NUP43: variants seen among roughly 807,000 people sequenced by gnomAD.
The protein encoded by NUP43 is nucleoporin Nup43.
A neutral mutation model predicts 47.3 loss-of-function variants in NUP43; 32 were observed. That is an observed-to-expected ratio of 0.68 (90% CI 0.51 to 0.91). The LOEUF (loss-of-function observed/expected upper bound fraction) is 0.91, where lower values mean the gene tolerates loss of function less well. Among genes scored for constraint, NUP43 ranks in the 40% least tolerant of loss-of-function variants. The pLI, the probability that NUP43 is intolerant of heterozygous loss-of-function variation, is 0.00. For missense variants in NUP43, 444 were observed against 453.9 expected (o/e 0.98, Z 0.20); for synonymous variants, 147 against 158.4 (o/e 0.93, Z 0.54).
intron 5 of NUP43, among the ~76,000 whole-genome samples, chr6:149,737,715 G>C (rs1205897605): frequency 6.6e-6 from 1 of 152,206 alleles, no homozygotes; most frequent in East Asian, 1.9e-4. Context: ...CTGCCTCCCA[G>C]GTTCAAGTGA....
chr6:149,742,561 C>T lies in NUP43; in HGVS notation c.331G>A (p.Val111Ile). Reference sequence around the variant, plus strand: ...TGAGCTGTAGTCCACTGCTGGTTGACTGACAGAGTCTAGGCATCAGAAATG... The same window carrying T: ...TGAGCTGTAGTCCACTGCTGGTTGATTGACAGAGTCTAGGCATCAGAAATG... ...LHHPNNQTLS[V>I]NQQWTTAHYH... The change falls in exon 4 of 8, where the codon GTC becomes ATC. Residue 111 changes from valine to isoleucine, a missense_variant. By Grantham distance (29) the Val-to-Ile change is conservative. Coordinates refer to ENST00000340413, the MANE Select transcript of NUP43 (RefSeq NM_198887.3). 6.2e-7 allele frequency: 1 copy of T among 1,613,714 alleles called. No homozygotes were observed. The highest frequency in any genetic ancestry group is 8.5e-7 in the Non-Finnish European group (1 of 1,179,654).
upstream of NUP43, among the ~76,000 whole-genome samples, chr6:149,748,208 C>T (rs535898179): frequency 6.6e-6 from 1 of 152,042 alleles, no homozygotes; most frequent in African/African-American, 2.4e-5. Context: ...TCCAGCTACT[C>T]GGGAGGCTGC....
chr6:149,730,946 A>AG (rs1785006148), intron 7 of NUP43, among the ~76,000 whole-genome samples: 1 of 151,884 alleles, frequency 6.6e-6, no homozygotes, highest in Admixed American at 6.6e-5. Flanking sequence ...TCAAACAAAA[A>AG]AAAAACAAAA....
At chr6:149,737,182 G>A (rs1049438460) in intron 5 of NUP43, among the ~76,000 whole-genome samples, 4 of 152,082 alleles carry the variant, frequency 2.6e-5, no homozygotes, top group Admixed American at 1.3e-4. Flanking sequence ...TACTTGGGAG[G>A]CTGAGGCATG....
At chr6:149,730,717 G>C (rs912863313) in intron 7 of NUP43, among the ~76,000 whole-genome samples, 2 of 152,070 alleles carry the variant, frequency 1.3e-5, no homozygotes, top group Admixed American at 1.3e-4. Flanking sequence ...GATTGCTTGA[G>C]CTCAGGAGTT....
upstream of NUP43, chr6:149,746,817 A>G: frequency 1.3e-6 from 1 of 765,620 alleles, no homozygotes; most frequent in African/African-American, 1.8e-5. Flanking sequence ...CAGAACAAAA[A>G]CAATGCAGTA....
intron 3 of NUP43, among the ~76,000 whole-genome samples, chr6:149,743,103 G>C (rs965618974): frequency 6.6e-6 from 1 of 151,450 alleles, no homozygotes; most frequent in East Asian, 1.9e-4. Context: ...TTGAACCAGA[G>C]AGATGCAGGT....
In NUP43 at chr6:149,724,817, G is replaced by C. The variant is rs1784736778; in HGVS notation, c.*2152C>G. 6.6e-6 allele frequency: 1 copy of C among 151,930 alleles called. No individual in the cohort carries two copies. Among genetic ancestry groups the C allele is most frequent in the Admixed American group, 6.6e-5 (1 of 15,222 alleles). 9.4% of individuals were successfully genotyped at this position (151,930 alleles called of 1,614,324 possible). A position where few individuals can be genotyped will look rare whatever the true frequency, so the allele number is the denominator to read the frequency against. ...TTGGCCAGGCTGATCTCGAACTCTT[G>C]ACCTCAGGTGCTTCACCCACCTCGG... On this transcript the variant is annotated 3_prime_UTR_variant, in exon 8 of 8. Coordinates refer to ENST00000340413, the MANE Select transcript of NUP43 (RefSeq NM_198887.3).
chr6:149,740,986 A>G (rs1785623071), intron 4 of NUP43, among the ~76,000 whole-genome samples: 1 of 152,002 alleles, frequency 6.6e-6, no homozygotes, highest in Non-Finnish European at 1.5e-5. Flanking sequence ...TTTTAGTATT[A>G]CTTATGGTCT....
chr6:149,735,324 TG>T (rs1785266598), intron 6 of NUP43, among the ~76,000 whole-genome samples: 1 of 152,160 alleles, frequency 6.6e-6, no homozygotes, highest in Admixed American at 6.6e-5. Context: ...AGGAGGAGCC[TG>T]GAACTACAGG....
chr6:149,735,507 A>C (rs1245923069), intron 6 of NUP43, among the ~76,000 whole-genome samples: 4 of 149,228 alleles, frequency 2.7e-5, no homozygotes, highest in African/African-American at 1.0e-4. Context: ...CTTTGGGAGA[A>C]TCGTGTAAGT....
chr6:149,735,919 G>C (rs941746255), intron 6 of NUP43, among the ~76,000 whole-genome samples: 2 of 150,036 alleles, frequency 1.3e-5, no homozygotes, highest in Non-Finnish European at 3.0e-5. Flanking sequence ...GCTGTAGTGA[G>C]CCGTGACTGC....
Position 149,734,459 on chromosome 6 carries a change from C to T in NUP43, c.790+2012G>A, listed in dbSNP as rs1785218545. Among the ~76,000 whole-genome samples, 4 of 152,044 alleles carry T rather than the reference C, an allele frequency of 2.6e-5. No individual in the cohort carries two copies. The South Asian group carries it at 8.3e-4, about 32-fold the overall frequency. ...GGCTGAGGCTGCAGTGGGCTGTGAT[C>T]ATGCCACTGCATTCCAACCTGGGTG... On this transcript the variant is annotated intron_variant, in intron 6 of 7. Coordinates refer to ENST00000340413, the MANE Select transcript of NUP43 (RefSeq NM_198887.3).
Position 149,726,698 on chromosome 6 carries a change from T to C in NUP43, c.*271A>G, listed in dbSNP as rs1243274151. On this transcript the variant is annotated 3_prime_UTR_variant, in exon 8 of 8. Transcript: ENST00000340413. ...AGTTCCACAAGCTGTCTGTCAATAA[T>C]ACTCTGAAGGCAACCTATTCATCAG... 1.5e-5 allele frequency: 7 copies of C among 452,014 alleles called. No homozygotes were observed. Among genetic ancestry groups the C allele is most frequent in the Non-Finnish European group, 2.4e-5 (6 of 246,316 alleles). 28.0% of individuals were successfully genotyped at this position (452,014 alleles called of 1,614,324 possible).
upstream of NUP43, among the ~76,000 whole-genome samples, chr6:149,748,156 A>T (rs1786112969): frequency 6.6e-6 from 1 of 152,160 alleles, no homozygotes; most frequent in Non-Finnish European, 1.5e-5. Context: ...TCTACTAAAA[A>T]TACAAAAATA....
At chr6:149,743,597 C>CAAA in intron 3 of NUP43, 41 bp downstream of exon 3, 4 of 1,145,018 alleles carry the variant, frequency 3.5e-6, no homozygotes, top group South Asian at 1.4e-5. Flanking sequence ...AACTCCATTT[C>CAAA]AAAAAAAAAA....
chr6:149,733,462 G>C (rs1042310045), intron 6 of NUP43, among the ~76,000 whole-genome samples: 1 of 152,002 alleles, frequency 6.6e-6, no homozygotes, highest in African/African-American at 2.4e-5. Flanking sequence ...CTCTCTTTTT[G>C]AAACAGGGTC....
In NUP43 at chr6:149,727,030, G is replaced by T; in HGVS notation, c.1082C>A (p.Pro361His). Residue 361 changes from proline (P) to histidine (H), a missense_variant, in exon 8 of 8, where the codon CCT (proline) becomes CAT (histidine). By Grantham distance (77) the Pro-to-His change is moderately conservative. Transcript: ENST00000340413. ...LSVNTLDVLGPCLVCGTDAEA... is the reference protein window; with the variant it reads ...LSVNTLDVLGHCLVCGTDAEA... The stretch of plus-strand genomic sequence containing the variant: ...TGCATCGGTTCCACAAACAAGACAA[G>T]GACCTAAAACATCCAAAGTGTTCAC... The T allele has an allele frequency of 6.2e-7, 1 of 1,614,062 alleles. No homozygotes were observed. The highest frequency in any genetic ancestry group is 8.5e-7 in the Non-Finnish European group (1 of 1,179,976).
At chr6:149,732,671 C>G (rs1235880791) in intron 6 of NUP43, among the ~76,000 whole-genome samples, 3 of 151,284 alleles carry the variant, frequency 2.0e-5, no homozygotes, top group African/African-American at 7.3e-5. Flanking sequence ...ATGGTGAAAC[C>G]CCATCTCTAC....
Sources: gnomAD v4.1 joint callset for allele counts (sites outside exome capture counted in the v4.1 genomes callset) on GRCh38, gnomAD v4.1.1 for gene constraint, MANE v1.5 for transcripts, NCBI Gene and HGNC (gene_info 2026-07-23, HGNC 2026-07-21) for gene names.